The following PAM variants were observed in gnomAD, a reference collection of about 807,000 sequenced individuals.
The protein encoded by PAM is peptidyl-glycine alpha-amidating monooxygenase.
In PAM, 72 loss-of-function variants were observed where a neutral mutation model predicts 122.1. The ratio of observed to expected loss-of-function variants is 0.59; its 90% confidence interval spans 0.49 to 0.72. The LOEUF is 0.72. Among genes scored for constraint, PAM ranks in the 30% least tolerant of loss-of-function variants. The pLI is 0.00. For synonymous variants in PAM, 389 were observed against 404.4 expected, an observed-to-expected ratio of 0.96 and a Z score of 0.46; for missense variants, 1,106 against 1,183.7, an observed-to-expected ratio of 0.93 and a Z score of 0.96.
chr5:102,816,791 T>C (rs1055974346), intron 1 of PAM, among the ~76,000 whole-genome samples: 1 of 152,270 alleles, frequency 6.6e-6, no homozygotes, highest in Middle Eastern at 3.4e-3. Context: ...CTCTTCATGA[T>C]CTTATTCTCT....
At chr5:102,935,781 A>T (rs1753044910) in intron 7 of PAM, among the ~76,000 whole-genome samples, 1 of 152,148 alleles carries the variant, frequency 6.6e-6, no homozygotes. Flanking sequence ...TAATAGAATT[A>T]CCTCTAAAGT....
At chr5:102,925,106 T>G (rs901155498) in intron 6 of PAM, 64 bp downstream of exon 6, 10 of 834,770 alleles carry the variant, frequency 1.2e-5, no homozygotes, top group Non-Finnish European at 1.9e-5. Flanking sequence ...CAAAGTACTT[T>G]TCATTATAGT....
At chr5:102,906,147 A>G (rs1172145447) in intron 4 of PAM, among the ~76,000 whole-genome samples, 1 of 151,706 alleles carries the variant, frequency 6.6e-6, no homozygotes, top group East Asian at 1.9e-4. Flanking sequence ...CAAGTAATAA[A>G]AAACAGTGAG....
rs572539488 is a variant in PAM, at chr5:102,861,833, T to A, written c.-373-3990T>A. ...TGCAGCATTTCTATAAGTTTCAGGTTCTTTAAAAATTTTTTAAGTTATGCC... is the reference window on the plus strand; with the variant it reads ...TGCAGCATTTCTATAAGTTTCAGGTACTTTAAAAATTTTTTAAGTTATGCC... On this transcript the variant is annotated intron_variant, in intron 1 of 25. Transcript: ENST00000438793. Among the ~76,000 whole-genome samples, 145 of 152,320 alleles carry A rather than the reference T, an allele frequency of 9.5e-4. 1 individual carries two copies. Among genetic ancestry groups the A allele is most frequent in the African/African-American group, 3.3e-3 (136 of 41,580 alleles).
At chr5:102,874,845 C>T (rs564682078) in intron 3 of PAM, among the ~76,000 whole-genome samples, 2 of 152,070 alleles carry the variant, frequency 1.3e-5, no homozygotes, top group African/African-American at 4.8e-5. Flanking sequence ...TCATTAATTC[C>T]CATAAAAAGT....
intron 1 of PAM, among the ~76,000 whole-genome samples, chr5:102,811,179 C>T (rs997513817): frequency 1.3e-5 from 2 of 152,214 alleles, no homozygotes; most frequent in Non-Finnish European, 2.9e-5. Context: ...TTGGCTGTAA[C>T]AAATTGCCAC....
At chr5:102,801,578 T>G (rs1764702682) in intron 1 of PAM, among the ~76,000 whole-genome samples, 1 of 152,168 alleles carries the variant, frequency 6.6e-6, no homozygotes, top group African/African-American at 2.4e-5. Flanking sequence ...AAAACCTTGC[T>G]TCCTTCAGAA....
chr5:102,798,292 A>G (rs920076872), intron 1 of PAM, among the ~76,000 whole-genome samples: 13 of 152,212 alleles, frequency 8.5e-5, no homozygotes, highest in Non-Finnish European at 1.9e-4. Context: ...CTCGTACTGT[A>G]TATATTAGAG....
rs78125642 is a variant in PAM at position 102,801,150 on chromosome 5, C to G, written c.-374+45802C>G. 5.5e-3 allele frequency among the ~76,000 whole-genome samples: 835 copies of G among 152,174 alleles called. 11 individuals are homozygous for G. The highest frequency in any genetic ancestry group is 0.019 in the African/African-American group (785 of 41,522). ...TTATTATATTTAACTTAGTCCTTAT[C>G]GACTGGAGGGTTCCACCTCACCTCA... On this transcript the variant is annotated intron_variant, in intron 1 of 25. Transcript: ENST00000438793.
chr5:102,778,142 G>A (rs1358044178), intron 1 of PAM, among the ~76,000 whole-genome samples: 2 of 152,088 alleles, frequency 1.3e-5, no homozygotes, highest in African/African-American at 4.8e-5. Flanking sequence ...AAAGGAGGCG[G>A]GTGAGTTGCC....
At chr5:102,913,794 A>G in intron 4 of PAM, 140 bp from the exon 5 acceptor site, 2 of 593,526 alleles carry the variant, frequency 3.4e-6, no homozygotes, top group South Asian at 4.1e-5. Context: ...GATAATTTAT[A>G]CAGACAGGGC....
chr5:102,851,174 A>G (rs1001131532), intron 1 of PAM, among the ~76,000 whole-genome samples: 4 of 152,194 alleles, frequency 2.6e-5, no homozygotes, highest in African/African-American at 9.7e-5. Context: ...CTATAATTTT[A>G]TTACTATTGA....
chr5:102,978,673 T>G (rs1014223641), intron 15 of PAM, among the ~76,000 whole-genome samples: 10 of 152,222 alleles, frequency 6.6e-5, no homozygotes, highest in Admixed American at 6.5e-4. Flanking sequence ...ATACATTTAG[T>G]TTTTTCTTCA....
chr5:102,882,052 AAT>A (rs61367764), intron 3 of PAM, among the ~76,000 whole-genome samples: 54 of 61,996 alleles, frequency 8.7e-4, no homozygotes, highest in East Asian at 1.8e-3. Flanking sequence ...TCCATCGTGG[AAT>A]ATATATATAT....
At chr5:102,919,844 T>G (rs1278977733) in intron 5 of PAM, among the ~76,000 whole-genome samples, 1 of 152,062 alleles carries the variant, frequency 6.6e-6, no homozygotes, top group African/African-American at 2.4e-5. Flanking sequence ...AATATTAAGG[T>G]ACTTGGATTA....
intron 1 of PAM, among the ~76,000 whole-genome samples, chr5:102,769,479 G>T (rs1755118078): frequency 1.3e-5 from 2 of 152,090 alleles, no homozygotes; most frequent in African/African-American, 2.4e-5. Context: ...AAGTTTCATA[G>T]TTTGAGGTCT....
At chr5:102,846,278 C>T (rs543587067) in intron 1 of PAM, among the ~76,000 whole-genome samples, 1 of 152,204 alleles carries the variant, frequency 6.6e-6, no homozygotes, top group Non-Finnish European at 1.5e-5. Context: ...ATGGGATCTT[C>T]TCACCTATAG....
intron 3 of PAM, among the ~76,000 whole-genome samples, chr5:102,895,216 T>C (rs1420194849): frequency 6.6e-6 from 1 of 151,822 alleles, no homozygotes; most frequent in Admixed American, 6.6e-5. Flanking sequence ...CGCTAAAACA[T>C]TGCCAACCCC....
At chr5:102,976,401 T>C (rs905004555) in intron 15 of PAM, among the ~76,000 whole-genome samples, 4 of 150,534 alleles carry the variant, frequency 2.7e-5, no homozygotes, top group Admixed American at 2.6e-4. Flanking sequence ...TCAGGAAGCT[T>C]CCATTTTGTA....
Sources: allele counts gnomAD v4.1 joint callset (sites outside exome capture counted in the v4.1 genomes callset), GRCh38; gene constraint gnomAD v4.1.1; transcripts MANE v1.5; gene names NCBI Gene and HGNC (gene_info 2026-07-23, HGNC 2026-07-21).